EIF2B3: variants seen among roughly 807,000 people sequenced by gnomAD.
EIF2B3 encodes the protein translation initiation factor eIF2B subunit gamma.
In EIF2B3, 20 loss-of-function variants were observed where a neutral mutation model predicts 54.1. The ratio of observed to expected loss-of-function variants is 0.37; its 90% CI spans 0.26 to 0.54. The LOEUF is 0.54. Ranked by LOEUF, EIF2B3 falls within the 20% of genes least tolerant of loss-of-function variation. The probability of loss-of-function intolerance (pLI) is 0.86; values close to 1 mark genes in which losing one functional copy is unlikely to be tolerated. For missense variants in EIF2B3, 448 were observed against 547.8 expected (o/e 0.82, Z 1.82); for synonymous variants, 153 against 188.1 (o/e 0.81, Z 1.52).
intron 5 of EIF2B3, among the ~76,000 whole-genome samples, chr1:44,923,375 A>G (rs1406573851): frequency 6.6e-6 from 1 of 152,258 alleles, no homozygotes; most frequent in Non-Finnish European, 1.5e-5. Context: ...TGATAGTTTG[A>G]TTAGATAGAA....
chr1:44,871,273 C>T (rs1057214143), intron 10 of EIF2B3, among the ~76,000 whole-genome samples: 1 of 152,216 alleles, frequency 6.6e-6, no homozygotes, highest in African/African-American at 2.4e-5. Context: ...TCCATCTCTA[C>T]TGCTATTTAT....
At chr1:44,913,501 G>GAAAA (rs112520282) in intron 5 of EIF2B3, among the ~76,000 whole-genome samples, 1 of 143,688 alleles carries the variant, frequency 7.0e-6, no homozygotes, top group Non-Finnish European at 1.5e-5. Flanking sequence ...TGTTTTAATG[G>GAAAA]AAAAAAAAAA....
At chr1:44,933,840 T>C (rs1643918645) in intron 4 of EIF2B3, among the ~76,000 whole-genome samples, 1 of 152,004 alleles carries the variant, frequency 6.6e-6, no homozygotes. Context: ...AAGAAAATTA[T>C]GGCTGGGCAC....
At position 44,914,799 on chromosome 1, in the gene EIF2B3, C is replaced by T. The variant is rs181573720; in HGVS notation, c.566+11829G>A. Among the ~76,000 whole-genome samples, 1,030 of 152,252 alleles carry T rather than the reference C, an allele frequency of 6.8e-3. 12 individuals carry two copies. The highest frequency in any genetic ancestry group is 0.023 in the African/African-American group (975 of 41,572). ...CGCCACCCTGTTTCACGACATTCTC[C>T]TGCCTCAGCCTCCCAAGTGGCTGGG... On this transcript the variant is annotated intron_variant, in intron 5 of 11. Transcript: ENST00000360403.
At chr1:44,926,236 TAAAAC>T (rs1643847844) in intron 5 of EIF2B3, among the ~76,000 whole-genome samples, 1 of 151,548 alleles carries the variant, frequency 6.6e-6, no homozygotes, top group Non-Finnish European at 1.5e-5. Flanking sequence ...TCAAAAAACT[TAAAAC>T]AAAAACCAAA....
intron 10 of EIF2B3, among the ~76,000 whole-genome samples, chr1:44,870,641 GT>G (rs1266593229): frequency 1.3e-5 from 2 of 150,102 alleles, no homozygotes; most frequent in Non-Finnish European, 3.0e-5. Flanking sequence ...CAAGGCTTCA[GT>G]TATCAGTTCT....
In EIF2B3 at chr1:44,875,191, C is replaced by CA. The variant is rs201834102; in HGVS notation, c.1054-366dup. Reference sequence around the variant, plus strand: ...TGGGCAACAGAGTGAGACTCTGTCTCAAAAAAAAAGAAAAAGAAAATTGGG... The same window carrying CA: ...TGGGCAACAGAGTGAGACTCTGTCTCAAAAAAAAAAGAAAAAGAAAATTGGG... On this transcript the variant is annotated intron_variant, in intron 9 of 11. Transcript: ENST00000360403. Among the ~76,000 whole-genome samples the CA allele has an allele frequency of 5.0e-3, 749 of 150,354 alleles. 3 individuals carry two copies. The highest frequency in any genetic ancestry group is 7.6e-3 in the East Asian group (39 of 5,142).
intron 5 of EIF2B3, among the ~76,000 whole-genome samples, chr1:44,910,654 TTTTAA>T (rs1643495894): frequency 8.1e-6 from 1 of 123,036 alleles, no homozygotes; most frequent in African/African-American, 3.8e-5. Flanking sequence ...TTTTTTTTTT[TTTTAA>T]AAGAGAGAAA....
chr1:44,967,172 C>A (rs113980556), intron 3 of EIF2B3, among the ~76,000 whole-genome samples: 1 of 150,406 alleles, frequency 6.6e-6, no homozygotes, highest in Non-Finnish European at 1.5e-5. Context: ...TGTGGCTGGG[C>A]GTGGTGGCTC....
At chr1:44,974,202 A>G (rs263996) in intron 3 of EIF2B3, among the ~76,000 whole-genome samples, 46,780 of 151,170 alleles carry the variant, frequency 0.31, 8,091 homozygotes, top group African/African-American at 0.45. Flanking sequence ...AGCTGGGCAT[A>G]GTGGCTCATG....
chr1:44,865,080 G>A (rs1408035453), intron 10 of EIF2B3, among the ~76,000 whole-genome samples: 1 of 152,174 alleles, frequency 6.6e-6, no homozygotes, highest in Non-Finnish European at 1.5e-5. Context: ...TTAGCTGGGT[G>A]TGGTGGCGCA....
chr1:44,869,454 G>A (rs910855218), intron 10 of EIF2B3, among the ~76,000 whole-genome samples: 1 of 150,476 alleles, frequency 6.6e-6, no homozygotes, highest in African/African-American at 2.5e-5. Flanking sequence ...CTCCAGCCTT[G>A]GTGACAGAGT....
intron 3 of EIF2B3, among the ~76,000 whole-genome samples, chr1:44,976,466 A>C (rs747990215): frequency 6.6e-6 from 1 of 152,228 alleles, no homozygotes; most frequent in Non-Finnish European, 1.5e-5. Context: ...GTTGATGAAG[A>C]CGTGAAGCAA....
At chr1:44,900,482 AACAAGGATAC>A (rs1435157286) in intron 5 of EIF2B3, among the ~76,000 whole-genome samples, 3 of 150,866 alleles carry the variant, frequency 2.0e-5, no homozygotes, top group African/African-American at 7.3e-5. Flanking sequence ...AACAACAGAC[AACAAGGATAC>A]ACAACCAGGG....
At chr1:44,970,526 G>T (rs190612694) in intron 3 of EIF2B3, among the ~76,000 whole-genome samples, 1 of 152,264 alleles carries the variant, frequency 6.6e-6, no homozygotes, top group Non-Finnish European at 1.5e-5. Context: ...ATGTTTAGGA[G>T]CTCTTTTGTG....
intron 3 of EIF2B3, among the ~76,000 whole-genome samples, chr1:44,975,494 G>A (rs1338180038): frequency 6.6e-6 from 1 of 152,080 alleles, no homozygotes; most frequent in Non-Finnish European, 1.5e-5. Flanking sequence ...TATACCATAG[G>A]TAACTGTAAC....
At chr1:44,950,383 T>C (rs1208865704) in intron 3 of EIF2B3, among the ~76,000 whole-genome samples, 2 of 152,064 alleles carry the variant, frequency 1.3e-5, no homozygotes, top group Admixed American at 1.3e-4. Context: ...GATTGTGCCA[T>C]TGCACTCCAG....
At chr1:44,906,706 A>G (rs1643418418) in intron 5 of EIF2B3, among the ~76,000 whole-genome samples, 1 of 152,206 alleles carries the variant, frequency 6.6e-6, no homozygotes, top group Non-Finnish European at 1.5e-5. Flanking sequence ...GGGATAAAAG[A>G]TATTATGAAA....
chr1:44,854,545 G>A (rs1014048616), intron 11 of EIF2B3, among the ~76,000 whole-genome samples: 10 of 151,582 alleles, frequency 6.6e-5, no homozygotes, highest in African/African-American at 9.7e-5. Flanking sequence ...GGTGACTCTG[G>A]AGCATGAAAA....
Sources: gnomAD v4.1 joint callset for allele counts (sites outside exome capture counted in the v4.1 genomes callset) on GRCh38, gnomAD v4.1.1 for gene constraint, MANE v1.5 for transcripts, NCBI Gene and HGNC (gene_info 2026-07-23, HGNC 2026-07-21) for gene names.